The following EPB41L5 variants were observed in gnomAD, a reference collection of about 807,000 sequenced individuals.
The protein encoded by EPB41L5 is erythrocyte membrane protein band 4.1 like 5, also known as band 4.1-like protein 5.
Under a neutral mutation model 106.6 loss-of-function variants are expected in EPB41L5, and 55 were observed. That is an observed-to-expected ratio of 0.52 (90% CI 0.42 to 0.65). The LOEUF (loss-of-function observed/expected upper bound fraction) is 0.65. Ranked by LOEUF, EPB41L5 falls within the 30% of genes least tolerant of loss-of-function variation. The probability of loss-of-function intolerance (pLI) is 0.00; values close to 1 mark genes in which losing one functional copy is unlikely to be tolerated. For synonymous variants in EPB41L5, 297 were observed against 306.7 expected, an observed-to-expected ratio of 0.97 and a Z score of 0.33; for missense variants, 871 against 882.1, an observed-to-expected ratio of 0.99 and a Z score of 0.16.
intron 24 of EPB41L5, among the ~76,000 whole-genome samples, chr2:120,173,809 AGTAGCTGG>A (rs2105581965): frequency 6.6e-6 from 1 of 152,220 alleles, no homozygotes; most frequent in South Asian, 2.1e-4. Context: ...CAGCTTCCTG[AGTAGCTGG>A]GCTACAGGCA....
chr2:120,163,666 G>T (rs1199554113), intron 21 of EPB41L5, among the ~76,000 whole-genome samples: 1 of 149,078 alleles, frequency 6.7e-6, no homozygotes, highest in Non-Finnish European at 1.5e-5. Flanking sequence ...TAGTCTAAAA[G>T]TTAAAAGGCT....
At chr2:120,163,236 C>T (rs1317667203) in intron 21 of EPB41L5, among the ~76,000 whole-genome samples, 1 of 135,920 alleles carries the variant, frequency 7.4e-6, no homozygotes, top group Non-Finnish European at 1.5e-5. Flanking sequence ...GCCTGGGTGA[C>T]AGAGCAAGAC....
In EPB41L5 at chr2:120,100,287, G is replaced by T; in HGVS notation, c.1221+1G>T. ...GACCCAAAGTAATGGCTCCCAACAGGTAAGACAATACTAAGCTTCTAAAAC... is the reference window on the plus strand; with the variant it reads ...GACCCAAAGTAATGGCTCCCAACAGTTAAGACAATACTAAGCTTCTAAAAC... On this transcript the variant is annotated splice_donor_variant, in intron 15 of 24. Transcript: ENST00000263713. LOFTEE classifies it high-confidence loss of function. 1.2e-6 allele frequency: 2 copies of T among 1,612,712 alleles called. No individual in the cohort carries two copies. Among genetic ancestry groups the T allele is most frequent in the Non-Finnish European group, 1.7e-6 (2 of 1,179,070 alleles).
At chr2:120,113,983 G>A (rs1167904528) in intron 16 of EPB41L5, among the ~76,000 whole-genome samples, 1 of 152,198 alleles carries the variant, frequency 6.6e-6, no homozygotes, top group Non-Finnish European at 1.5e-5. Context: ...ATGAACATGT[G>A]TTCTCAATTG....
chr2:120,124,403 G>A (rs943590023), intron 16 of EPB41L5, among the ~76,000 whole-genome samples: 2 of 152,136 alleles, frequency 1.3e-5, no homozygotes, highest in Non-Finnish European at 2.9e-5. Context: ...CTACAGAAAA[G>A]TTGAATGAAT....
rs1374883887 is a variant in EPB41L5 at position 120,019,122 on chromosome 2, C to G, written c.38C>G (p.Ser13Cys). The G allele has an allele frequency of 1.9e-6, 3 of 1,612,462 alleles. No individual in the cohort carries two copies. Among genetic ancestry groups the G allele is most frequent in the Non-Finnish European group, 2.5e-6 (3 of 1,179,424 alleles). ...SFFRRTLGRRSMRKHAEKERL... is the reference protein window; with the variant it reads ...SFFRRTLGRRCMRKHAEKERL... The stretch of plus-strand genomic sequence containing the variant: ...TTCCGTAGAACACTAGGGCGTCGGT[C>G]TATGCGTAAACATGCAGAGAAGGAA... The change falls in exon 2 of 25, where the codon TCT (serine) becomes TGT (cysteine). Residue 13 changes from serine to cysteine, a missense_variant. By Grantham distance (112) the Ser-to-Cys change is moderately radical. Coordinates refer to ENST00000263713, the MANE Select transcript of EPB41L5 (RefSeq NM_020909.4).
At chr2:120,071,273 G>A (rs1272044993) in intron 3 of EPB41L5, among the ~76,000 whole-genome samples, 1 of 152,148 alleles carries the variant, frequency 6.6e-6, no homozygotes, top group Non-Finnish European at 1.5e-5. Context: ...CAACTCACAA[G>A]GGATGTGGAG....
intron 4 of EPB41L5, 89 bp from the exon 5 acceptor site, chr2:120,074,011 C>A: frequency 3.1e-6 from 3 of 958,330 alleles, no homozygotes; most frequent in Non-Finnish European, 4.7e-6. Flanking sequence ...TTTTGTCTCA[C>A]TTCAGTAGAT....
intron 3 of EPB41L5, among the ~76,000 whole-genome samples, chr2:120,061,270 T>G (rs1681049892): frequency 6.7e-6 from 1 of 148,246 alleles, no homozygotes; most frequent in Non-Finnish European, 1.5e-5. Flanking sequence ...TCGCCCAGGC[T>G]GGAGTGCAGT....
intron 16 of EPB41L5, among the ~76,000 whole-genome samples, chr2:120,109,269 G>A (rs772559341): frequency 1.3e-5 from 2 of 152,130 alleles, no homozygotes; most frequent in Non-Finnish European, 2.9e-5. Flanking sequence ...GCTCAAGTGA[G>A]CCTTCAATGC....
At chr2:120,071,458 C>G (rs114965290) in intron 3 of EPB41L5, among the ~76,000 whole-genome samples, 1,819 of 150,952 alleles carry the variant, frequency 0.012, 38 homozygotes, top group African/African-American at 0.041. Context: ...TGAAAAAGAG[C>G]CCGTATAGCC....
chr2:120,169,541 G>A (rs948272259), intron 24 of EPB41L5, among the ~76,000 whole-genome samples: 9 of 152,108 alleles, frequency 5.9e-5, no homozygotes, highest in African/African-American at 2.2e-4. Context: ...AAGATATTAT[G>A]GAAGGGGAAG....
At chr2:120,090,564 A>G (rs979619309) in intron 12 of EPB41L5, 48 bp downstream of exon 12, 3 of 1,534,330 alleles carry the variant, frequency 2.0e-6, no homozygotes, top group African/African-American at 2.8e-5. Context: ...ATACAGGCCA[A>G]AAAATTTAGG....
At position 120,175,767 on chromosome 2, in the gene EPB41L5, G is replaced by C. The variant is rs909907512; in HGVS notation, c.*860G>C. On this transcript the variant is annotated 3_prime_UTR_variant, in exon 25 of 25. Transcript: ENST00000263713. Reference sequence around the variant, plus strand: ...GCTGCTGTAGTCTCAGGTAATGAAGGCACAGCACAGCAGTACTCCACATTG... The same window carrying C: ...GCTGCTGTAGTCTCAGGTAATGAAGCCACAGCACAGCAGTACTCCACATTG... The C allele has an allele frequency of 2.0e-5, 3 of 152,006 alleles. No individual in the cohort carries two copies. Among genetic ancestry groups the C allele is most frequent in the Admixed American group, 2.0e-4 (3 of 15,242 alleles). The allele number at this position is 152,006 out of a possible 1,614,324, so 9.4% of individuals were successfully genotyped here.
intron 15 of EPB41L5, 46 bp downstream of exon 15, chr2:120,100,332 A>C (rs1684057896): frequency 3.2e-6 from 5 of 1,546,316 alleles, no homozygotes; most frequent in Non-Finnish European, 4.5e-6. Context: ...CCCGTTAATT[A>C]TGGTAACAGT....
At chr2:120,049,005 G>A (rs1181689794) in intron 3 of EPB41L5, among the ~76,000 whole-genome samples, 1 of 152,192 alleles carries the variant, frequency 6.6e-6, no homozygotes, top group Non-Finnish European at 1.5e-5. Context: ...GTTCTAGTTT[G>A]ATTGCACTGT....
At chr2:120,114,504 T>C (rs1684863328) in intron 16 of EPB41L5, among the ~76,000 whole-genome samples, 1 of 152,214 alleles carries the variant, frequency 6.6e-6, no homozygotes, top group Admixed American at 6.5e-5. Context: ...TATAATGCTC[T>C]GTAGGTTTGC....
At chr2:120,057,636 CT>C (rs554013617) in intron 3 of EPB41L5, among the ~76,000 whole-genome samples, 2,463 of 141,310 alleles carry the variant, frequency 0.017, 31 homozygotes, top group African/African-American at 0.045. Context: ...TTTATAATCT[CT>C]TTTTTTTTTT....
intron 1 of EPB41L5, among the ~76,000 whole-genome samples, chr2:120,017,506 A>G (rs1677604144): frequency 6.6e-6 from 1 of 152,228 alleles, no homozygotes; most frequent in African/African-American, 2.4e-5. Flanking sequence ...TGTTGTGCAA[A>G]TGAAACACAT....
Sources: gnomAD v4.1 joint callset for allele counts (sites outside exome capture counted in the v4.1 genomes callset) on GRCh38, gnomAD v4.1.1 for gene constraint, MANE v1.5 for transcripts, NCBI Gene and HGNC (gene_info 2026-07-23, HGNC 2026-07-21) for gene names.